The following GALNT13 variants were observed in gnomAD, a reference collection of about 807,000 sequenced individuals.
GALNT13 encodes polypeptide N-acetylgalactosaminyltransferase 13, also known as UDP-GalNAc:polypeptide N-acetylgalactosaminyltransferase 13.
In GALNT13, 28 loss-of-function variants were observed where a neutral mutation model predicts 64.2. The observed-to-expected ratio is 0.44, with a 90% confidence interval of 0.32 to 0.60. The LOEUF (loss-of-function observed/expected upper bound fraction) is 0.60. Ranked by LOEUF, GALNT13 falls within the 20% of genes least tolerant of loss-of-function variation. The pLI is 0.05. For synonymous variants in GALNT13, 214 were observed against 224.6 expected (o/e 0.95, Z 0.42); for missense variants, 577 against 669.8 (o/e 0.86, Z 1.53).
chr2:154,343,465 G>C (rs1559101967), intron 9 of GALNT13, among the ~76,000 whole-genome samples: 1 of 152,022 alleles, frequency 6.6e-6, no homozygotes, highest in Non-Finnish European at 1.5e-5. Context: ...GATACAAATA[G>C]GATGTGATCT....
chr2:154,117,402 C>CT (rs1176329793), intron 3 of GALNT13, among the ~76,000 whole-genome samples: 1 of 152,170 alleles, frequency 6.6e-6, no homozygotes, highest in African/African-American at 2.4e-5. Context: ...AATTTGTAGT[C>CT]TTTTTTCCCT....
intron 9 of GALNT13, among the ~76,000 whole-genome samples, chr2:154,333,122 C>T (rs1356188514): frequency 2.0e-5 from 3 of 151,916 alleles, no homozygotes; most frequent in Non-Finnish European, 2.9e-5. Flanking sequence ...TCTAGGAGCC[C>T]CATCTTTTTC....
At chr2:153,507,044 C>A in the GALNT13 span, among the ~76,000 whole-genome samples, 3 of 152,130 alleles carry the variant, frequency 2.0e-5, no homozygotes, top group African/African-American at 7.2e-5. Flanking sequence ...TTTTAAAATT[C>A]TTTTTTCTTT....
chr2:154,122,343 A>G (rs959938), intron 3 of GALNT13, among the ~76,000 whole-genome samples: 83,872 of 151,702 alleles, frequency 0.55, 24,439 homozygotes, highest in East Asian at 0.85. Flanking sequence ...CCATTTTGTC[A>G]AGGATTTCTG....
the GALNT13 span, among the ~76,000 whole-genome samples, chr2:153,173,854 A>C: frequency 2.6e-5 from 4 of 152,162 alleles, no homozygotes; most frequent in Non-Finnish European, 5.9e-5. Flanking sequence ...CTGAGGAAAA[A>C]CTTTTTTTCA....
At chr2:153,429,096 G>C in the GALNT13 span, among the ~76,000 whole-genome samples, 13 of 151,716 alleles carry the variant, frequency 8.6e-5, no homozygotes, top group African/African-American at 2.9e-4. Flanking sequence ...AATACTTCCT[G>C]GCATCCATGT....
At chr2:153,182,211 T>C in the GALNT13 span, among the ~76,000 whole-genome samples, 2 of 151,814 alleles carry the variant, frequency 1.3e-5, no homozygotes, top group African/African-American at 4.8e-5. Flanking sequence ...ACCCGGCTAA[T>C]TTTTTTGTAT....
the GALNT13 span, among the ~76,000 whole-genome samples, chr2:153,572,694 T>C: frequency 6.6e-6 from 1 of 152,026 alleles, no homozygotes; most frequent in Non-Finnish European, 1.5e-5. Flanking sequence ...AATTTCTTCA[T>C]TGACCCACTG....
chr2:153,437,891 C>G, the GALNT13 span, among the ~76,000 whole-genome samples: 1 of 152,186 alleles, frequency 6.6e-6, no homozygotes, highest in Non-Finnish European at 1.5e-5. Context: ...AGTTATTTTG[C>G]TCATTAGTTG....
At chr2:153,205,410 A>T in the GALNT13 span, among the ~76,000 whole-genome samples, 1 of 152,066 alleles carries the variant, frequency 6.6e-6, no homozygotes, top group Non-Finnish European at 1.5e-5. Context: ...GGTTTTTTAA[A>T]CCAAAGTTAC....
chr2:154,318,227 A>G (rs3916552), intron 9 of GALNT13, among the ~76,000 whole-genome samples: 151,489 of 152,290 alleles, frequency 0.99, 75,350 homozygotes, highest in Middle Eastern at 1. Context: ...GAATACTAAT[A>G]TTTCTAAGTT....
intron 11 of GALNT13, among the ~76,000 whole-genome samples, chr2:154,410,152 G>A (rs969804022): frequency 2.6e-5 from 4 of 151,822 alleles, no homozygotes; most frequent in Admixed American, 2.6e-4. Flanking sequence ...AACAACATAG[G>A]CAGACTAATG....
the GALNT13 span, among the ~76,000 whole-genome samples, chr2:153,720,839 T>C: frequency 3.4e-4 from 51 of 150,352 alleles, no homozygotes; most frequent in African/African-American, 1.2e-3. Context: ...GTCTGACTGG[T>C]GTACCTGAAA....
the GALNT13 span, among the ~76,000 whole-genome samples, chr2:153,563,123 T>C: frequency 2.0e-5 from 3 of 152,058 alleles, no homozygotes; most frequent in Non-Finnish European, 4.4e-5. Context: ...TTTTTTCTCC[T>C]TGATATCCTT....
intron 2 of GALNT13, chr2:153,926,477 G>A (rs912798515): frequency 6.6e-6 from 1 of 152,100 alleles, no homozygotes; most frequent in South Asian, 2.1e-4. Context: ...GTCCAGGTTT[G>A]AAAAGTTAGC....
At chr2:153,657,910 C>A in the GALNT13 span, among the ~76,000 whole-genome samples, 1 of 152,086 alleles carries the variant, frequency 6.6e-6, no homozygotes, top group African/African-American at 2.4e-5. Context: ...TTGCTGCCAA[C>A]ATTCTTCAAT....
At chr2:153,887,699 G>A (rs781479519) in intron 1 of GALNT13, among the ~76,000 whole-genome samples, 6 of 151,888 alleles carry the variant, frequency 4.0e-5, no homozygotes, top group African/African-American at 1.5e-4. Context: ...CAACATCACC[G>A]CTGATTTTTG....
At chr2:154,447,822 G>T (rs936618587) in intron 12 of GALNT13, among the ~76,000 whole-genome samples, 4 of 151,996 alleles carry the variant, frequency 2.6e-5, no homozygotes, top group Admixed American at 2.6e-4. Flanking sequence ...TATGTACAGA[G>T]CAATTTATGT....
intron 3 of GALNT13, among the ~76,000 whole-genome samples, chr2:154,115,537 C>T (rs2105502221): frequency 6.6e-6 from 1 of 152,226 alleles, no homozygotes. Context: ...TCTCCTACCT[C>T]AGCCCCCTGA....
Sources: gnomAD v4.1 joint callset for allele counts (sites outside exome capture counted in the v4.1 genomes callset) on GRCh38, gnomAD v4.1.1 for gene constraint, MANE v1.5 for transcripts, NCBI Gene and HGNC (gene_info 2026-07-23, HGNC 2026-07-21) for gene names.